The following HECW1 variants were observed in gnomAD, a reference collection of about 807,000 sequenced individuals.
HECW1 encodes E3 ubiquitin-protein ligase HECW1.
In HECW1, 61 loss-of-function variants were observed where a neutral mutation model predicts 182.3. That is an observed-to-expected ratio of 0.33 (90% CI 0.27 to 0.41). The LOEUF (loss-of-function observed/expected upper bound fraction) is 0.41, where lower values mean the gene tolerates loss of function less well. Among genes scored for constraint, HECW1 ranks in the 10% least tolerant of loss-of-function variants. The pLI, the probability that HECW1 is intolerant of heterozygous loss-of-function variation, is 1.00. For missense variants in HECW1, 1,739 were observed against 2,108.9 expected, an observed-to-expected ratio of 0.82 and a Z score of 3.44; for synonymous variants, 859 against 832.6, an observed-to-expected ratio of 1.03 and a Z score of -0.55.
intron 2 of HECW1, among the ~76,000 whole-genome samples, chr7:43,159,619 C>CA (rs1227401562): frequency 6.6e-6 from 1 of 150,854 alleles, no homozygotes; most frequent in East Asian, 1.9e-4. Context: ...CTAACACATA[C>CA]AAAAAACATT....
At chr7:43,143,605 C>T (rs1583671233) in intron 2 of HECW1, among the ~76,000 whole-genome samples, 1 of 152,226 alleles carries the variant, frequency 6.6e-6, no homozygotes, top group East Asian at 1.9e-4. Context: ...CTTTAGATGC[C>T]AGCTCTCACT....
chr7:43,282,960 A>C (rs1804111358), intron 3 of HECW1, among the ~76,000 whole-genome samples: 1 of 152,084 alleles, frequency 6.6e-6, no homozygotes, highest in Non-Finnish European at 1.5e-5. Context: ...CCTACTAAAA[A>C]TACATAAGTT....
chr7:43,497,071 T>C (rs1275665269), intron 19 of HECW1, among the ~76,000 whole-genome samples: 1 of 152,212 alleles, frequency 6.6e-6, no homozygotes, highest in African/African-American at 2.4e-5. Flanking sequence ...AGAACATGAT[T>C]AGAATTCAGC....
At chr7:43,497,223 C>G (rs2079154472) in intron 19 of HECW1, among the ~76,000 whole-genome samples, 1 of 151,966 alleles carries the variant, frequency 6.6e-6, no homozygotes, top group Non-Finnish European at 1.5e-5. Context: ...AAGTGGAGAT[C>G]AGGGAGAGAG....
rs772226407 is a variant in HECW1 at position 43,550,580 on chromosome 7, G to A, written c.4384G>A (p.Gly1462Ser). 17 of 1,603,430 alleles carry A rather than the reference G, an allele frequency of 1.1e-5. No homozygotes were observed. Among genetic ancestry groups the A allele is most frequent in the South Asian group, 2.2e-5 (2 of 89,678 alleles). The change falls in exon 27 of 30, where the codon GGC becomes AGC. Residue 1462 changes from glycine (G) to serine (S), a missense_variant. This residue lies in a region of HECW1 where 420 missense variants were observed against 595.7 expected (regional missense o/e 0.71). Coordinates refer to ENST00000395891, the MANE Select transcript of HECW1 (RefSeq NM_015052.5). The part of the protein sequence containing the change: ...VVQQTEALVR[G>S]FYEVVDSRLV... Reference sequence around the variant, plus strand: ...ACAGCAGACCGAGGCGCTGGTGCGCGGCTTCTACGAGGTGAGGCCCGGTGG... The same window carrying A: ...ACAGCAGACCGAGGCGCTGGTGCGCAGCTTCTACGAGGTGAGGCCCGGTGG...
At chr7:43,361,057 C>A (rs942681074) in intron 6 of HECW1, 77 bp downstream of exon 6, 1 of 637,080 alleles carries the variant, frequency 1.6e-6, no homozygotes, top group Non-Finnish European at 2.8e-6. Flanking sequence ...CTTGTGCGTG[C>A]GTGTGTGTGT....
chr7:43,232,101 A>G (rs1797937051), intron 2 of HECW1, among the ~76,000 whole-genome samples: 1 of 152,024 alleles, frequency 6.6e-6, no homozygotes, highest in South Asian at 2.1e-4. Context: ...AACTGATTGT[A>G]AGGAAAGAGC....
At chr7:43,405,499 C>T (rs2075577867) in intron 7 of HECW1, among the ~76,000 whole-genome samples, 1 of 152,168 alleles carries the variant, frequency 6.6e-6, no homozygotes, top group Admixed American at 6.5e-5. Context: ...ATGCTTCATT[C>T]CCCCAGCGTG....
In HECW1 at chr7:43,407,903, T is replaced by G. The variant is rs147409004; in HGVS notation, c.801+172T>G. On this transcript the variant is annotated intron_variant, in intron 8 of 29. Transcript: ENST00000395891. ...TCCAGGGGTTGCAACTCAGGGATCTTGATCAAGTCCATCCGGACAGTACTA... is the reference window on the plus strand; with the variant it reads ...TCCAGGGGTTGCAACTCAGGGATCTGGATCAAGTCCATCCGGACAGTACTA... Among the ~76,000 whole-genome samples the G allele has an allele frequency of 5.0e-3, 762 of 152,274 alleles. 9 individuals carry two copies. The highest frequency in any genetic ancestry group is 0.017 in the African/African-American group (724 of 41,562).
chr7:43,564,049 G>A lies in HECW1; in HGVS notation c.*2123G>A. The A allele has an allele frequency of 5.4e-6, 1 of 186,122 alleles. No homozygotes were observed. The highest frequency in any genetic ancestry group is 8.6e-5 in the East Asian group (1 of 11,572). 11.5% of individuals were successfully genotyped at this position (186,122 alleles called of 1,614,324 possible). ...TGGAATCTGTAAGTTATATGATATA[G>A]AATTTGAGGGATATGTAAAATTCAG... is the stretch of plus-strand genomic sequence containing the variant. On this transcript the variant is annotated 3_prime_UTR_variant, in exon 30 of 30. Coordinates refer to ENST00000395891, the MANE Select transcript of HECW1 (RefSeq NM_015052.5).
intron 24 of HECW1, among the ~76,000 whole-genome samples, chr7:43,538,333 T>C (rs1343972684): frequency 6.6e-6 from 1 of 152,142 alleles, no homozygotes; most frequent in African/African-American, 2.4e-5. Flanking sequence ...CTGGATTCCT[T>C]GAGATACCAC....
chr7:43,501,154 A>C, intron 20 of HECW1, 59 bp from the exon 21 acceptor site: 1 of 963,384 alleles, frequency 1.0e-6, no homozygotes, highest in South Asian at 1.5e-5. Flanking sequence ...ACACTTTCTC[A>C]GGGATGTAAA....
intron 3 of HECW1, among the ~76,000 whole-genome samples, chr7:43,305,396 C>T (rs960865439): frequency 2.9e-5 from 3 of 101,874 alleles, no homozygotes; most frequent in Non-Finnish European, 5.2e-5. Flanking sequence ...ATCTCAATTA[C>T]TGCAATTCTG....
In HECW1 at chr7:43,450,857, C is replaced by A. The variant is rs1251416559; in HGVS notation, c.2428C>A (p.Pro810Thr). The change falls in exon 12 of 30, where the codon CCA becomes ACA. Residue 810 changes from proline to threonine, a missense_variant. This residue lies in a region of HECW1 where 971 missense variants were observed against 1,029.1 expected (regional missense o/e 0.94). Coordinates refer to ENST00000395891, the MANE Select transcript of HECW1 (RefSeq NM_015052.5). ...GECPILHNSQ[P>T]VSQLPSLRPE... ...ATGTCCTATACTCCATAATTCCCAG[C>A]CAGTAAGCCAGCTTCCTTCCCTGAG... The A allele has an allele frequency of 2.5e-6, 4 of 1,612,340 alleles. No individual in the cohort carries two copies. In the East Asian group the frequency reaches 8.9e-5, roughly 36 times the overall value.
At chr7:43,402,634 G>A (rs1278284002) in intron 7 of HECW1, among the ~76,000 whole-genome samples, 1 of 152,102 alleles carries the variant, frequency 6.6e-6, no homozygotes, top group Non-Finnish European at 1.5e-5. Context: ...TAAAATCCAA[G>A]AAAACTCGAG....
At chr7:43,516,553 A>G (rs1038431857) in intron 24 of HECW1, among the ~76,000 whole-genome samples, 1 of 152,192 alleles carries the variant, frequency 6.6e-6, no homozygotes, top group African/African-American at 2.4e-5. Context: ...ATCATTCTGA[A>G]TGTCACTTTT....
chr7:43,286,540 A>G (rs1216517412), intron 3 of HECW1, among the ~76,000 whole-genome samples: 1 of 152,256 alleles, frequency 6.6e-6, no homozygotes, highest in Non-Finnish European at 1.5e-5. Context: ...AATATTTAGT[A>G]AAAGTGCTGG....
At chr7:43,269,736 C>A (rs1802177207) in intron 3 of HECW1, among the ~76,000 whole-genome samples, 1 of 152,126 alleles carries the variant, frequency 6.6e-6, no homozygotes, top group African/African-American at 2.4e-5. Flanking sequence ...TCTGATAACA[C>A]ACAAGTAGTC....
At chr7:43,256,381 A>G (rs139606535) in intron 3 of HECW1, among the ~76,000 whole-genome samples, 2,871 of 152,216 alleles carry the variant, frequency 0.019, 92 homozygotes, top group African/African-American at 0.066. Flanking sequence ...AGGCCAAGGC[A>G]GATGGATCAC....
Sources: allele counts gnomAD v4.1 joint callset (sites outside exome capture counted in the v4.1 genomes callset), GRCh38; gene constraint gnomAD v4.1.1; regional missense constraint gnomAD v4.1.1; transcripts MANE v1.5; gene names NCBI Gene and HGNC (gene_info 2026-07-23, HGNC 2026-07-21).